The following POLR1A variants were observed in gnomAD, a reference collection of about 807,000 sequenced individuals.
POLR1A encodes RNA polymerase I subunit A.
Under a neutral mutation model 205.3 loss-of-function variants are expected in POLR1A, and 84 were observed. That is an observed-to-expected ratio of 0.41 (90% CI 0.34 to 0.49). The LOEUF (loss-of-function observed/expected upper bound fraction) is 0.49, where lower values mean the gene tolerates loss of function less well. Ranked by LOEUF, POLR1A falls within the 20% of genes least tolerant of loss-of-function variation. The pLI is 0.22. For missense variants in POLR1A, 1,645 were observed against 2,204.5 expected (o/e 0.75, Z 5.08); for synonymous variants, 799 against 863.7 (o/e 0.93, Z 1.31).
intron 24 of POLR1A, 54 bp downstream of exon 24, chr2:86,041,835 G>A (rs1672615267): frequency 4.1e-6 from 6 of 1,474,140 alleles, no homozygotes; most frequent in Non-Finnish European, 5.7e-6. Context: ...TAGGAGGCAG[G>A]GGCTAGGAGG....
At chr2:86,087,570 T>C (rs1363509866) in intron 6 of POLR1A, among the ~76,000 whole-genome samples, 1 of 151,974 alleles carries the variant, frequency 6.6e-6, no homozygotes, top group Non-Finnish European at 1.5e-5. Flanking sequence ...TGAGACGGAG[T>C]CTTGCTCTGT....
chr2:86,105,804 C>T lies in POLR1A; in HGVS notation c.-28G>A. The T allele has an allele frequency of 6.3e-7, 1 of 1,577,284 alleles. No homozygotes were observed. The highest frequency in any genetic ancestry group is 1.3e-5 in the African/African-American group (1 of 74,394). The stretch of plus-strand genomic sequence containing the variant: ...TCCAGGTCCGTTTTGAATTCCGACA[C>T]CCCAAGAGACGTTCCACTCACCACC... On this transcript the variant is annotated 5_prime_UTR_variant, in exon 1 of 34. In the 5' UTR this introduces an upstream ATG that the reference lacks. Coordinates refer to ENST00000263857, the MANE Select transcript of POLR1A (RefSeq NM_015425.6).
chr2:86,079,095 T>G lies in POLR1A; in HGVS notation c.1087-811A>C, dbSNP rs903270358. Among the ~76,000 whole-genome samples the G allele has an allele frequency of 6.6e-5, 10 of 151,660 alleles. 1 individual carries two copies. The South Asian group carries it at 2.1e-3, about 32-fold the overall frequency. On this transcript the variant is annotated intron_variant, in intron 9 of 33. Coordinates refer to ENST00000263857, the MANE Select transcript of POLR1A (RefSeq NM_015425.6). ...CTGTCAGTGTCTTGAGGTGGGAGGG[T>G]GAGGGTGGGTGAAGATTCAGTAAAC...
At chr2:86,081,830 G>GT in intron 7 of POLR1A, 124 bp from the exon 8 acceptor site, 1 of 633,660 alleles carries the variant, frequency 1.6e-6, no homozygotes, top group Non-Finnish European at 2.7e-6. Flanking sequence ...GTAGAGTTAA[G>GT]GTCACAGTTT....
chr2:86,092,850 T>C (rs1398549452), intron 3 of POLR1A, among the ~76,000 whole-genome samples: 2 of 151,924 alleles, frequency 1.3e-5, no homozygotes, highest in Admixed American at 1.3e-4. Context: ...ATTATGTTAC[T>C]TATTTTATGA....
intron 13 of POLR1A, among the ~76,000 whole-genome samples, chr2:86,066,369 T>G (rs1471549031): frequency 6.6e-6 from 1 of 152,198 alleles, no homozygotes; most frequent in East Asian, 1.9e-4. Context: ...AAGCCTGAGA[T>G]TTGGTGAGTG....
chr2:86,068,389 G>GT lies in POLR1A; in HGVS notation c.1866+1628_1866+1629insA, dbSNP rs1553436046. On this transcript the variant is annotated intron_variant, in intron 13 of 33. Coordinates refer to ENST00000263857, the MANE Select transcript of POLR1A (RefSeq NM_015425.6). ...CACGCACAGCCAAGCACATGGGCGGGGGGGGGGGGCGGGTGTCGTCCAAAG... is the reference window on the plus strand; with the variant it reads ...CACGCACAGCCAAGCACATGGGCGGGTGGGGGGGGGCGGGTGTCGTCCAAAG... Among the ~76,000 whole-genome samples the GT allele has an allele frequency of 8.9e-4, 106 of 118,504 alleles. 17 individuals are homozygous for GT. In the East Asian group the frequency reaches 0.032, roughly 36 times the overall value. The allele number at this position is 118,504 out of a possible 152,430, so 77.7% of individuals were successfully genotyped here. A position where few individuals can be genotyped will look rare whatever the true frequency, so the allele number is the denominator to read the frequency against.
chr2:86,061,560 A>G (rs1417111322), intron 14 of POLR1A, among the ~76,000 whole-genome samples: 2 of 152,260 alleles, frequency 1.3e-5, no homozygotes, highest in African/African-American at 4.8e-5. Flanking sequence ...TCAACAAAAG[A>G]TACACACGAC....
intron 7 of POLR1A, among the ~76,000 whole-genome samples, chr2:86,082,475 A>C (rs1015648609): frequency 6.6e-6 from 1 of 152,038 alleles, no homozygotes; most frequent in Non-Finnish European, 1.5e-5. Flanking sequence ...ACTTTAAAAA[A>C]TGCCTAGAGA....
chr2:86,048,836 A>G (rs1558768296), intron 18 of POLR1A, 48 bp downstream of exon 18: 2 of 1,545,868 alleles, frequency 1.3e-6, no homozygotes, highest in Non-Finnish European at 1.8e-6. Context: ...TTTTTTAAAA[A>G]TCAGCATTCA....
rs1027103309 is a variant in POLR1A at position 86,080,836 on chromosome 2, C to T, written c.1066G>A (p.Ala356Thr). 1 of 1,612,650 alleles carries T rather than the reference C, an allele frequency of 6.2e-7. No homozygotes were observed. The highest frequency in any genetic ancestry group is 1.7e-5 in the Admixed American group (1 of 59,890). Residue 356 changes from alanine to threonine, a missense_variant, in exon 9 of 34, where the codon GCC becomes ACC. Physicochemically the swap from Ala to Thr is moderately conservative, Grantham distance 58 (BLOSUM62 0). This residue lies in a region of POLR1A where 78 missense variants were observed against 77.7 expected (regional missense o/e 1.00). Coordinates refer to ENST00000263857, the MANE Select transcript of POLR1A (RefSeq NM_015425.6). ...AQEQKLPEEV[A>T]TPTTDEEKDS... ...CTGACCTCATCTGTAGTGGGTGTGG[C>T]CACTTCCTCTGGCAACTTCTGTTCT...
chr2:86,072,701 C>T (rs541510842), intron 12 of POLR1A, among the ~76,000 whole-genome samples: 1 of 152,356 alleles, frequency 6.6e-6, no homozygotes, highest in South Asian at 2.1e-4. Flanking sequence ...GGGCAATGAG[C>T]CTTGGCTCTC....
chr2:86,058,292 G>A (rs1573815688), intron 14 of POLR1A, among the ~76,000 whole-genome samples: 1 of 151,992 alleles, frequency 6.6e-6, no homozygotes, highest in East Asian at 1.9e-4. Flanking sequence ...GTAGAGACAG[G>A]GTTTCACCAG....
intron 24 of POLR1A, among the ~76,000 whole-genome samples, chr2:86,041,567 G>C (rs1672607896): frequency 6.6e-6 from 1 of 152,194 alleles, no homozygotes; most frequent in Admixed American, 6.5e-5. Context: ...CAGGTGAACA[G>C]TGACCAGATT....
chr2:86,049,144 C>T lies in POLR1A; in HGVS notation c.2475+16G>A, dbSNP rs373936673. 19 of 1,611,718 alleles carry T rather than the reference C, an allele frequency of 1.2e-5. No individual in the cohort carries two copies. The highest frequency in any genetic ancestry group is 4.4e-5 in the South Asian group (4 of 91,034). The stretch of plus-strand genomic sequence containing the variant: ...ACCCCTCTAGGGCAGGCCACGGCCT[C>T]GAAGTCCCTCCTTACCTGGGGCCCG... On this transcript the variant is annotated intron_variant, in intron 17 of 33. Coordinates refer to ENST00000263857, the MANE Select transcript of POLR1A (RefSeq NM_015425.6).
chr2:86,100,570 G>A (rs1465596720), intron 1 of POLR1A, among the ~76,000 whole-genome samples: 1 of 142,810 alleles, frequency 7.0e-6, no homozygotes, highest in Middle Eastern at 3.6e-3. Context: ...TCTCACTCCT[G>A]TTGCCCAGGC....
rs1330971067 is a variant in POLR1A at position 86,030,412 on chromosome 2, G to C, written c.4579-16C>G. The C allele has an allele frequency of 2.5e-6, 4 of 1,594,276 alleles. No homozygotes were observed. Among genetic ancestry groups the C allele is most frequent in the African/African-American group, 1.3e-5 (1 of 74,504 alleles). ...TCACTGTCACCTGCAAAAGGAGGGA[G>C]AGCTGGGTAGGGTGACAGCTACTCC... On this transcript the variant is annotated splice_polypyrimidine_tract_variant and intron_variant, in intron 30 of 33. Coordinates refer to ENST00000263857, the MANE Select transcript of POLR1A (RefSeq NM_015425.6).
chr2:86,058,163 C>T (rs142086480), intron 14 of POLR1A, among the ~76,000 whole-genome samples: 54 of 152,298 alleles, frequency 3.5e-4, no homozygotes, highest in African/African-American at 1.2e-3. Flanking sequence ...TGCAATGGCA[C>T]GATCTTGGCT....
chr2:86,066,301 G>A (rs888121130), intron 13 of POLR1A, among the ~76,000 whole-genome samples: 1 of 152,146 alleles, frequency 6.6e-6, no homozygotes, highest in African/African-American at 2.4e-5. Flanking sequence ...AGGGTTCATG[G>A]TGGGCCCTTA....
Sources: allele counts gnomAD v4.1 joint callset (sites outside exome capture counted in the v4.1 genomes callset), GRCh38; gene constraint gnomAD v4.1.1; regional missense constraint gnomAD v4.1.1; transcripts MANE v1.5; gene names NCBI Gene and HGNC (gene_info 2026-07-23, HGNC 2026-07-21).